The following MYL10 variants were observed in gnomAD, a reference collection of about 807,000 sequenced individuals.
MYL10 encodes the protein myosin regulatory light chain 10.
MYL10 carries 18 observed loss-of-function variants against 21.9 expected under a neutral mutation model. The observed-to-expected ratio is 0.82, with a 90% CI of 0.57 to 1.22. The LOEUF is 1.22. MYL10 is among the 50% of genes most tolerant of loss of function. The probability of loss-of-function intolerance (pLI) is 0.00; values close to 1 mark genes in which losing one functional copy is unlikely to be tolerated. For missense variants in MYL10, 225 were observed against 230.4 expected (o/e 0.98, Z 0.15); for synonymous variants, 88 against 82.8 (o/e 1.06, Z -0.34).
Position 101,613,376 on chromosome 7 carries a change from A to G in MYL10, c.*99T>C. The stretch of plus-strand genomic sequence containing the variant: ...TTGCTTTGTCCCCAACCGTAGGACA[A>G]GGGAAGCCTTTTTCCTGCAGCCTCT... On this transcript the variant is annotated 3_prime_UTR_variant, in exon 8 of 8. Transcript: ENST00000223167. The G allele has an allele frequency of 1.0e-6, 1 of 960,934 alleles. No individual in the cohort carries two copies. Among genetic ancestry groups the G allele is most frequent in the Non-Finnish European group, 1.6e-6 (1 of 606,200 alleles). The allele number at this position is 960,934 out of a possible 1,614,324, so 59.5% of individuals were successfully genotyped here.
chr7:101,614,036 C>A (rs1661082339), intron 6 of MYL10, among the ~76,000 whole-genome samples: 1 of 152,044 alleles, frequency 6.6e-6, no homozygotes, highest in South Asian at 2.1e-4. Context: ...CTCAGGTCCC[C>A]CACCGCAGAG....
chr7:101,625,580 C>A (rs1181537972), intron 1 of MYL10, among the ~76,000 whole-genome samples: 2 of 152,006 alleles, frequency 1.3e-5, no homozygotes, highest in Non-Finnish European at 2.9e-5. Context: ...GCTGTCCCCA[C>A]CCCCGCCCAG....
chr7:101,613,705 T>C lies in MYL10; in HGVS notation c.539A>G (p.Lys180Arg). The change falls in exon 7 of 8, where the codon AAA (lysine) becomes AGA (arginine). Residue 180 changes from lysine (K) to arginine (R), a missense_variant. Physicochemically the swap from Lys to Arg is conservative, Grantham distance 26. Coordinates refer to ENST00000223167, the MANE Select transcript of MYL10 (RefSeq NM_138403.5). ...GKGFVKADVI[K>R]EKLMTQADRF... ...GTCTGCCTGGGTCATAAGTTTTTCT[T>C]TGATGCTGTTCAAGGGAGAGACACA... The C allele has an allele frequency of 6.2e-7, 1 of 1,614,094 alleles. No homozygotes were observed. Among genetic ancestry groups the C allele is most frequent in the South Asian group, 1.1e-5 (1 of 91,070 alleles).
chr7:101,622,906 C>G, intron 4 of MYL10, 91 bp downstream of exon 4: 1 of 1,198,100 alleles, frequency 8.3e-7, no homozygotes, highest in South Asian at 1.3e-5. Flanking sequence ...GAGCCTCTCA[C>G]GCTCACCGCG....
intron 1 of MYL10, among the ~76,000 whole-genome samples, chr7:101,626,529 G>A (rs1247741309): frequency 6.6e-6 from 1 of 152,204 alleles, no homozygotes. Context: ...AGGCACAGAG[G>A]GACAGCCAGA....
At chr7:101,628,172 G>T (rs1304899825) in intron 1 of MYL10, among the ~76,000 whole-genome samples, 1 of 152,246 alleles carries the variant, frequency 6.6e-6, no homozygotes, top group African/African-American at 2.4e-5. Context: ...AAGAAAAATG[G>T]GGTGGGCGCA....
At chr7:101,621,741 A>G (rs1796680435) in intron 5 of MYL10, among the ~76,000 whole-genome samples, 1 of 152,060 alleles carries the variant, frequency 6.6e-6, no homozygotes, top group Admixed American at 6.5e-5. Context: ...GGCATGTGTC[A>G]CCATGTCTGG....
intron 4 of MYL10, 43 bp downstream of exon 4, chr7:101,622,954 G>T: frequency 6.3e-7 from 1 of 1,591,062 alleles, no homozygotes; most frequent in Non-Finnish European, 8.6e-7. Context: ...CACTCTGTCT[G>T]GCTGGCCTGG....
intron 6 of MYL10, 150 bp from the exon 7 acceptor site, chr7:101,613,860 G>A (rs575319193): frequency 1.5e-4 from 109 of 720,102 alleles, no homozygotes; most frequent in Non-Finnish European, 2.0e-4. Flanking sequence ...CAGCCCCCCC[G>A]ATGGCCAAGT....
chr7:101,613,491 C>T lies in MYL10; in HGVS notation c.665G>A (p.Gly222Asp), dbSNP rs762924671. ...TGTGATCCCCTAATCCTTCTCTTCA[C>T]CGTGAGTGATGACGTAGCACAGGTT... ...YRNLCYVITH[G>D]EEKD is the part of the protein sequence containing the mutation. Residue 222 changes from glycine to aspartate, a missense_variant, in exon 8 of 8, where the codon GGT (glycine) becomes GAT (aspartate). Physicochemically the swap from Gly to Asp is moderately conservative, Grantham distance 94. Transcript: ENST00000223167. 1 of 1,614,060 alleles carries T rather than the reference C, an allele frequency of 6.2e-7. No individual in the cohort carries two copies. Among genetic ancestry groups the T allele is most frequent in the East Asian group, 2.2e-5 (1 of 44,876 alleles).
intron 1 of MYL10, among the ~76,000 whole-genome samples, chr7:101,628,559 C>T (rs1478758141): frequency 6.6e-6 from 1 of 152,234 alleles, no homozygotes; most frequent in Admixed American, 6.5e-5. Flanking sequence ...TCCATCCCCA[C>T]CAGGCCTGGC....
At chr7:101,619,979 C>G (rs1175137069) in intron 5 of MYL10, among the ~76,000 whole-genome samples, 1 of 151,534 alleles carries the variant, frequency 6.6e-6, no homozygotes, top group Non-Finnish European at 1.5e-5. Context: ...AGTTAAGCAT[C>G]TTGAGATGCA....
intron 1 of MYL10, among the ~76,000 whole-genome samples, chr7:101,625,400 G>C (rs1457592710): frequency 1.3e-5 from 2 of 152,146 alleles, no homozygotes; most frequent in Admixed American, 1.3e-4. Context: ...GGAGGTGGAC[G>C]GGATGGCACA....
chr7:101,615,521 G>T (rs1196127045), intron 6 of MYL10, among the ~76,000 whole-genome samples: 1 of 148,994 alleles, frequency 6.7e-6, no homozygotes, highest in Non-Finnish European at 1.5e-5. Flanking sequence ...TCCAGCTGCA[G>T]CCAACTCTGA....
chr7:101,619,750 C>T (rs531011148), intron 5 of MYL10, among the ~76,000 whole-genome samples: 34 of 151,944 alleles, frequency 2.2e-4, no homozygotes, highest in African/African-American at 8.0e-4. Context: ...ATTAGACGAG[C>T]GTGGTGGCAG....
chr7:101,617,321 G>A (rs1463281059), intron 5 of MYL10, among the ~76,000 whole-genome samples: 2 of 152,218 alleles, frequency 1.3e-5, no homozygotes, highest in African/African-American at 2.4e-5. Context: ...ACATCTGAGC[G>A]CTCTATGCCT....
At chr7:101,613,809 C>T (rs1045601687) in intron 6 of MYL10, 99 bp from the exon 7 acceptor site, 23 of 1,148,504 alleles carry the variant, frequency 2.0e-5, no homozygotes, top group Middle Eastern at 4.1e-4. Context: ...GGCAGGGGGA[C>T]ATCCTGGACC....
At chr7:101,615,462 G>A (rs920207797) in intron 6 of MYL10, among the ~76,000 whole-genome samples, 2 of 150,564 alleles carry the variant, frequency 1.3e-5, no homozygotes, top group East Asian at 2.0e-4. Context: ...CAGAGGCCCC[G>A]CCTGCCGCTC....
chr7:101,616,101 G>C, intron 6 of MYL10, 119 bp downstream of exon 6: 1 of 748,606 alleles, frequency 1.3e-6, no homozygotes, highest in Non-Finnish European at 2.3e-6. Context: ...CACTGGGCTG[G>C]GCAGCGGCCC....
Sources: allele counts gnomAD v4.1 joint callset (sites outside exome capture counted in the v4.1 genomes callset), GRCh38; gene constraint gnomAD v4.1.1; transcripts MANE v1.5; gene names NCBI Gene and HGNC (gene_info 2026-07-23, HGNC 2026-07-21).